Variants in KLC2 observed in about 807,000 individuals in gnomAD.
KLC2 encodes KLC 2.
Under a neutral mutation model 75.1 loss-of-function variants are expected in KLC2, and 35 were observed. That is an observed-to-expected ratio of 0.47 (90% CI 0.36 to 0.62). The LOEUF (loss-of-function observed/expected upper bound fraction) is 0.62. KLC2 is among the 20% of genes least tolerant of loss of function. The pLI is 0.00. For synonymous variants in KLC2, 314 were observed against 336.7 expected, an observed-to-expected ratio of 0.93 and a Z score of 0.74; for missense variants, 611 against 833.2, an observed-to-expected ratio of 0.73 and a Z score of 3.28.
upstream of KLC2, among the ~76,000 whole-genome samples, chr11:66,253,199 C>G (rs1855977908): frequency 6.6e-6 from 1 of 151,884 alleles, no homozygotes; most frequent in Non-Finnish European, 1.5e-5. Flanking sequence ...AAACTCCTGA[C>G]CTCAAGTGAT....
At position 66,267,375 on chromosome 11, in the gene KLC2, T is replaced by C. The variant is rs1278557657; in HGVS notation, c.*419T>C. Reference sequence around the variant, plus strand: ...TAAGTTATTGGCCGCGCGCCTCCCTTCAGTCCACGGTACTACCCGGGCCTC... The same window carrying C: ...TAAGTTATTGGCCGCGCGCCTCCCTCCAGTCCACGGTACTACCCGGGCCTC... On this transcript the variant is annotated 3_prime_UTR_variant, in exon 16 of 16. Transcript: ENST00000394067. The C allele has an allele frequency of 1.4e-6, 1 of 723,804 alleles. No homozygotes were observed. Among genetic ancestry groups the C allele is most frequent in the South Asian group, 1.5e-5 (1 of 67,702 alleles). 44.8% of individuals were successfully genotyped at this position (723,804 alleles called of 1,614,324 possible).
intron 2 of KLC2, 126 bp downstream of exon 2, chr11:66,258,948 C>T (rs1030820518): frequency 1.5e-6 from 1 of 666,212 alleles, no homozygotes; most frequent in East Asian, 2.7e-5. Flanking sequence ...CATGTTAGGA[C>T]CCCAGTAAAT....
chr11:66,267,362 C>T lies in KLC2; in HGVS notation c.*406C>T. The T allele has an allele frequency of 1.4e-6, 1 of 731,316 alleles. No individual in the cohort carries two copies. Among genetic ancestry groups the T allele is most frequent in the South Asian group, 1.5e-5 (1 of 67,858 alleles). The allele number at this position is 731,316 out of a possible 1,614,324, so 45.3% of individuals were successfully genotyped here. A position where few individuals can be genotyped will look rare whatever the true frequency, so the allele number is the denominator to read the frequency against. ...GTATATAGAGAAATAAGTTATTGGC[C>T]GCGCGCCTCCCTTCAGTCCACGGTA... On this transcript the variant is annotated 3_prime_UTR_variant, in exon 16 of 16. Transcript: ENST00000394067.
upstream of KLC2, chr11:66,257,214 G>T (rs1184421638): frequency 2.0e-5 from 3 of 152,214 alleles, no homozygotes; most frequent in Non-Finnish European, 4.4e-5. Flanking sequence ...CTTGAGCTAA[G>T]GGCGCTGAAC....
chr11:66,258,309 C>T (rs1856152443), intron 1 of KLC2: 2 of 475,682 alleles, frequency 4.2e-6, no homozygotes, highest in Non-Finnish European at 7.7e-6. Context: ...AGGGGGTCCC[C>T]GGGGAAACCC....
the KLC2 span, among the ~76,000 whole-genome samples, chr11:66,245,943 C>A: frequency 2.6e-5 from 4 of 152,324 alleles, no homozygotes; most frequent in South Asian, 8.3e-4. Context: ...CATCCTTGCC[C>A]TACAGGTATA....
chr11:66,245,119 G>A, the KLC2 span: 17 of 152,418 alleles, frequency 1.1e-4, no homozygotes, highest in African/African-American at 4.1e-4. Context: ...GCCTCTGCAG[G>A]TGGAGGGAAT....
Position 66,263,054 on chromosome 11 carries a change from G to T in KLC2, c.752+18G>T, listed in dbSNP as rs944836685. On this transcript the variant is annotated intron_variant, in intron 5 of 15. Transcript: ENST00000394067. The stretch of plus-strand genomic sequence containing the variant: ...GTCTATCGGTGAGGACTCTCTGGGG[G>T]TGCCCAAATTCTTCTGGAAGGCTCC... The T allele has an allele frequency of 1.3e-6, 2 of 1,586,420 alleles. No individual in the cohort carries two copies. Among genetic ancestry groups the T allele is most frequent in the Non-Finnish European group, 1.7e-6 (2 of 1,156,002 alleles).
the KLC2 span, among the ~76,000 whole-genome samples, chr11:66,251,091 A>G: frequency 6.6e-6 from 1 of 152,178 alleles, no homozygotes; most frequent in East Asian, 1.9e-4. Context: ...AGCCATTTAG[A>G]AAAGATGTGA....
At chr11:66,266,364 C>A in intron 14 of KLC2, 69 bp from the exon 15 acceptor site, 4 of 1,487,110 alleles carry the variant, frequency 2.7e-6, no homozygotes, top group Non-Finnish European at 3.7e-6. Context: ...CCCAGCCCCA[C>A]CCTTCTCCCT....
rs546719017 is a variant in KLC2 at position 66,258,684 on chromosome 11, T to G, written c.90T>G (p.Thr30=). 1.1e-5 allele frequency: 18 copies of G among 1,613,956 alleles called. 1 individual carries two copies. The South Asian group carries it at 2.0e-4, about 18-fold the overall frequency. The stretch of plus-strand genomic sequence containing the variant: ...AGGCTGTCATCCAGGGACTGGAGAC[T>G]CTGCGTGGGGAGCATCGTGCCCTGC... The part of the protein sequence containing the change: ...GTKAVIQGLE[T]LRGEHRALLA... Residue 30 remains threonine (T), a synonymous_variant, in exon 2 of 16, where the codon ACT becomes ACG. Transcript: ENST00000394067.
At chr11:66,248,057 G>C in the KLC2 span, among the ~76,000 whole-genome samples, 2 of 152,314 alleles carry the variant, frequency 1.3e-5, no homozygotes, top group South Asian at 2.1e-4. Context: ...GGCTGGACCA[G>C]AGCAGAGCTG....
chr11:66,249,654 C>T, the KLC2 span, among the ~76,000 whole-genome samples: 1 of 152,216 alleles, frequency 6.6e-6, no homozygotes, highest in East Asian at 1.9e-4. Context: ...AAGGTCAGAG[C>T]CTCCCCTCCC....
intron 5 of KLC2, among the ~76,000 whole-genome samples, chr11:66,263,316 G>A (rs1856571398): frequency 6.6e-6 from 1 of 152,188 alleles, no homozygotes; most frequent in Non-Finnish European, 1.5e-5. Context: ...AACACAAGAG[G>A]GCTAGAAAAG....
chr11:66,251,159 T>C, the KLC2 span, among the ~76,000 whole-genome samples: 1 of 152,100 alleles, frequency 6.6e-6, no homozygotes, highest in East Asian at 1.9e-4. Flanking sequence ...GAGAGCGACT[T>C]AAGAGGTTGA....
upstream of KLC2, among the ~76,000 whole-genome samples, chr11:66,257,040 A>C (rs976107811): frequency 6.6e-6 from 1 of 152,230 alleles, no homozygotes; most frequent in African/African-American, 2.4e-5. Flanking sequence ...GCTGTCTCCA[A>C]ATACCTTAAC....
chr11:66,264,780 T>A, intron 9 of KLC2: 1 of 586,952 alleles, frequency 1.7e-6, no homozygotes, highest in Non-Finnish European at 3.0e-6. Context: ...TGCTCCTGAG[T>A]CCCTCGGAGC....
chr11:66,257,676 T>C (rs1017783561), upstream of KLC2: 37 of 152,242 alleles, frequency 2.4e-4, no homozygotes, highest in African/African-American at 8.4e-4. Context: ...CGCGCTCCTT[T>C]AAGGCAGCGA....
chr11:66,258,684 T>C lies in KLC2; in HGVS notation c.90T>C (p.Thr30=). Reference sequence around the variant, plus strand: ...AGGCTGTCATCCAGGGACTGGAGACTCTGCGTGGGGAGCATCGTGCCCTGC... The same window carrying C: ...AGGCTGTCATCCAGGGACTGGAGACCCTGCGTGGGGAGCATCGTGCCCTGC... ...GTKAVIQGLE[T]LRGEHRALLA... The change falls in exon 2 of 16, where the codon ACT becomes ACC. Residue 30 remains threonine, a synonymous_variant. Transcript: ENST00000394067. 6.2e-7 allele frequency: 1 copy of C among 1,613,956 alleles called. No individual in the cohort carries two copies. The highest frequency in any genetic ancestry group is 8.5e-7 in the Non-Finnish European group (1 of 1,179,968).
Sources: gnomAD v4.1 joint callset for allele counts (sites outside exome capture counted in the v4.1 genomes callset) on GRCh38, gnomAD v4.1.1 for gene constraint, MANE v1.5 for transcripts, NCBI Gene and HGNC (gene_info 2026-07-23, HGNC 2026-07-21) for gene names.